PPEF1: variants seen among roughly 807,000 people sequenced by gnomAD.
PPEF1 encodes serine/threonine-protein phosphatase with EF-hands 1.
PPEF1 carries 12 observed loss-of-function variants against 53.3 expected under a neutral mutation model. That is an observed-to-expected ratio of 0.23 (90% CI 0.14 to 0.36). The LOEUF (loss-of-function observed/expected upper bound fraction) is 0.36. Ranked by LOEUF, PPEF1 falls within the 10% of genes least tolerant of loss-of-function variation. The pLI is 1.00. For synonymous variants in PPEF1, 165 were observed against 176.7 expected, an observed-to-expected ratio of 0.93 and a Z score of 0.52; for missense variants, 334 against 490.4, an observed-to-expected ratio of 0.68 and a Z score of 3.01.
intron 15 of PPEF1, among the ~76,000 whole-genome samples, chrX:18,826,279 CTT>C (rs2147772606): frequency 9.0e-6 from 1 of 110,696 alleles, no homozygotes; most frequent in African/African-American, 3.3e-5. Flanking sequence ...ACTGAAATAA[CTT>C]TTTATAAATC....
chrX:18,700,171 G>C (rs1929978741), intron 5 of PPEF1: 2 of 109,884 alleles, frequency 1.8e-5, no homozygotes, highest in African/African-American at 6.7e-5. Flanking sequence ...GCCTGGCCCT[G>C]TTCTAGTTAT....
At chrX:18,686,290 G>C (rs1263852165) in intron 3 of PPEF1, 4 of 110,898 alleles carry the variant, frequency 3.6e-5, no homozygotes, top group African/African-American at 1.3e-4. Flanking sequence ...CCTGCCTTTT[G>C]GTTGGCCCTT....
chrX:18,706,784 C>G (rs765687115), upstream of PPEF1, among the ~76,000 whole-genome samples: 2 of 97,303 alleles, frequency 2.1e-5, no homozygotes, highest in South Asian at 1.0e-3. Flanking sequence ...TCACAGATTA[C>G]AATTCCTAAA....
At chrX:18,721,145 A>G (rs1403546888) in intron 1 of PPEF1, among the ~76,000 whole-genome samples, 1 of 111,057 alleles carries the variant, frequency 9.0e-6, no homozygotes, top group East Asian at 2.8e-4. Context: ...TTCCCCATCC[A>G]TCTTCCCTCC....
At chrX:18,745,511 A>T (rs754228112) in intron 3 of PPEF1, among the ~76,000 whole-genome samples, 4 of 109,809 alleles carry the variant, frequency 3.6e-5, no homozygotes, top group Non-Finnish European at 7.6e-5. Context: ...GAGTTTTTCA[A>T]TTGATTTTCT....
At chrX:18,777,677 G>A (rs918433567) in intron 6 of PPEF1, among the ~76,000 whole-genome samples, 2 of 108,724 alleles carry the variant, frequency 1.8e-5, no homozygotes, top group African/African-American at 6.7e-5. Flanking sequence ...CTGCCATCAC[G>A]CCCGGAGAAT....
chrX:18,751,728 C>T (rs1399139618), intron 4 of PPEF1, among the ~76,000 whole-genome samples: 2 of 111,929 alleles, frequency 1.8e-5, no homozygotes, highest in East Asian at 2.8e-4. Flanking sequence ...TGCAGTGAGC[C>T]GAGATCGTGC....
chrX:18,720,626 A>T (rs911188572), intron 1 of PPEF1, among the ~76,000 whole-genome samples: 2 of 111,558 alleles, frequency 1.8e-5, no homozygotes, highest in Non-Finnish European at 3.8e-5. Context: ...AAAAGAAAAA[A>T]CCCTAATCCT....
rs753821914 is a variant in PPEF1, at chrX:18,827,555, C to T, written c.*68C>T. 2 of 867,087 alleles carry T rather than the reference C, an allele frequency of 2.3e-6. No individual in the cohort carries two copies. The highest frequency in any genetic ancestry group is 4.7e-5 in the South Asian group (2 of 42,341). 71.5% of individuals were successfully genotyped at this position (867,087 alleles called of 1,213,427 possible). A position where few individuals can be genotyped will look rare whatever the true frequency, so the allele number is the denominator to read the frequency against. On this transcript the variant is annotated 3_prime_UTR_variant, in exon 16 of 16. Coordinates refer to ENST00000470157, the MANE Select transcript of PPEF1 (RefSeq NM_001377996.1). ...CCCAAATCACAAGTACAGTCCTTTC[C>T]AACACCCCTGAAATTCATAGTCAGT...
At chrX:18,697,504 T>C (rs143008114) in intron 4 of PPEF1, among the ~76,000 whole-genome samples, 1 of 110,911 alleles carries the variant, frequency 9.0e-6, no homozygotes, top group Admixed American at 9.6e-5. Context: ...TAGTCAGTCA[T>C]CAGGTCTCGG....
chrX:18,817,233 C>T (rs2046938623), intron 12 of PPEF1, among the ~76,000 whole-genome samples: 1 of 111,072 alleles, frequency 9.0e-6, no homozygotes, highest in African/African-American at 3.3e-5. Context: ...AGGTTGAAGT[C>T]TAGGTTGTTA....
chrX:18,753,101 A>G (rs1199506246), intron 4 of PPEF1, among the ~76,000 whole-genome samples: 1 of 111,838 alleles, frequency 8.9e-6, no homozygotes, highest in Non-Finnish European at 1.9e-5. Flanking sequence ...AATGTTTAGT[A>G]GAGTTCACCA....
At chrX:18,687,770 C>A (rs1929157681) in intron 3 of PPEF1, among the ~76,000 whole-genome samples, 1 of 105,316 alleles carries the variant, frequency 9.5e-6, no homozygotes, top group African/African-American at 3.5e-5. Context: ...CTCACTGCAA[C>A]CTCCACCTCC....
At chrX:18,823,832 G>T in intron 13 of PPEF1, 91 bp from the exon 14 acceptor site, 1 of 964,903 alleles carries the variant, frequency 1.0e-6, no homozygotes, top group Non-Finnish European at 1.4e-6. Context: ...AGAGCAGCTG[G>T]CCCCATGCTG....
chrX:18,752,777 C>T (rs1444275096), intron 4 of PPEF1, among the ~76,000 whole-genome samples: 1 of 104,086 alleles, frequency 9.6e-6, no homozygotes, highest in Non-Finnish European at 2.0e-5. Context: ...TTTTACCCTT[C>T]GTTCTATTAA....
chrX:18,793,371 C>T (rs7053670), intron 10 of PPEF1, among the ~76,000 whole-genome samples: 4,010 of 111,084 alleles, frequency 0.036, 183 homozygotes, highest in African/African-American at 0.12. Flanking sequence ...ATTTCTTTCG[C>T]TTATTGATTT....
At chrX:18,761,497 C>G (rs773569976) in intron 5 of PPEF1, 33 bp from the exon 6 acceptor site, 2 of 1,174,611 alleles carry the variant, frequency 1.7e-6, no homozygotes, top group South Asian at 1.8e-5. Flanking sequence ...ATCTTGTTCT[C>G]TACTGAATAC....
Position 18,695,487 on chromosome X carries a change from G to A in PPEF1, c.-312-2358G>A, listed in dbSNP as rs183103984. The stretch of plus-strand genomic sequence containing the variant: ...GACCAGGAGGAAGGGATCATTGGGG[G>A]CAGCTTAGAGTCTGTCTGCCACAGT... On this transcript the variant is annotated intron_variant, in intron 4 of 21. Coordinates refer to the PPEF1 transcript ENST00000361511. Among the ~76,000 whole-genome samples, 53 of 112,170 alleles carry A rather than the reference G, an allele frequency of 4.7e-4. No individual in the cohort carries two copies. The East Asian group carries it at 0.013, about 28-fold the overall frequency.
chrX:18,789,054 G>A, intron 9 of PPEF1, 67 bp from the exon 10 acceptor site: 1 of 1,142,812 alleles, frequency 8.8e-7, no homozygotes, highest in Non-Finnish European at 1.2e-6. Context: ...ATCCCACCTG[G>A]GACTGAAGTC....
Sources: allele counts gnomAD v4.1 joint callset (sites outside exome capture counted in the v4.1 genomes callset), GRCh38; gene constraint gnomAD v4.1.1; transcripts MANE v1.5; gene names NCBI Gene and HGNC (gene_info 2026-07-23, HGNC 2026-07-21).